Variants in LRP1B observed in about 807,000 individuals in gnomAD.
LRP1B encodes LDL receptor related protein 1B.
A neutral mutation model predicts 556.6 loss-of-function variants in LRP1B; 217 were observed. That is an observed-to-expected ratio of 0.39 (90% CI 0.35 to 0.44). The LOEUF (loss-of-function observed/expected upper bound fraction) is 0.44. Among genes scored for constraint, LRP1B ranks in the 20% least tolerant of loss-of-function variants. The pLI is 1.00. For synonymous variants in LRP1B, 2,047 were observed against 1,865.8 expected (o/e 1.10, Z -2.50); for missense variants, 5,053 against 5,620.8 (o/e 0.90, Z 3.23).
intron 1 of LRP1B, among the ~76,000 whole-genome samples, chr2:141,992,746 A>G (rs1702383187): frequency 2.6e-5 from 4 of 152,100 alleles, no homozygotes; most frequent in Admixed American, 2.0e-4. Flanking sequence ...GGATTCTGGC[A>G]TGATATTTTA....
At chr2:140,847,649 C>T (rs1446633321) in intron 29 of LRP1B, among the ~76,000 whole-genome samples, 1 of 151,872 alleles carries the variant, frequency 6.6e-6, no homozygotes, top group Non-Finnish European at 1.5e-5. Context: ...CACCTATAAT[C>T]CCAGCTACTC....
chr2:141,629,987 A>G (rs569052056), intron 2 of LRP1B, among the ~76,000 whole-genome samples: 1 of 152,280 alleles, frequency 6.6e-6, no homozygotes, highest in African/African-American at 2.4e-5. Context: ...AGTTGGATCA[A>G]TACAATCTTC....
chr2:140,701,640 T>C (rs1274448393), intron 40 of LRP1B, 81 bp downstream of exon 40: 1 of 1,395,012 alleles, frequency 7.2e-7, no homozygotes, highest in African/African-American at 1.4e-5. Context: ...TAGAAGAATT[T>C]CTAAGTTTGA....
At chr2:141,101,560 C>A (rs1400007287) in intron 7 of LRP1B, among the ~76,000 whole-genome samples, 1 of 151,964 alleles carries the variant, frequency 6.6e-6, no homozygotes, top group East Asian at 1.9e-4. Context: ...AATAATAAAA[C>A]CGATTTATAT....
intron 7 of LRP1B, among the ~76,000 whole-genome samples, chr2:141,105,467 C>A (rs1386106296): frequency 1.3e-5 from 2 of 151,966 alleles, no homozygotes. Context: ...CCCTATAGTT[C>A]AAAATAATAC....
intron 21 of LRP1B, among the ~76,000 whole-genome samples, chr2:140,911,772 TCCTTTTTTTGTTTGTTTTTTCC>T (rs1190073287): frequency 6.6e-6 from 1 of 151,800 alleles, no homozygotes; most frequent in East Asian, 1.9e-4. Context: ...AAATGCAACT[TCCTTTTTTTGTTTGTTTTTTCC>T]CAGACACATC....
At chr2:140,873,033 G>C (rs1407869123) in intron 25 of LRP1B, among the ~76,000 whole-genome samples, 4 of 152,104 alleles carry the variant, frequency 2.6e-5, no homozygotes, top group Non-Finnish European at 5.9e-5. Flanking sequence ...AAAAAGACTA[G>C]TCAAATATTT....
At chr2:140,652,094 G>C (rs1222506579) in intron 41 of LRP1B, among the ~76,000 whole-genome samples, 1 of 151,884 alleles carries the variant, frequency 6.6e-6, no homozygotes, top group African/African-American at 2.4e-5. Flanking sequence ...AAGGAAAAAT[G>C]TTTTTAAAAA....
chr2:141,860,209 A>G (rs1474995876), intron 1 of LRP1B, among the ~76,000 whole-genome samples: 1 of 152,186 alleles, frequency 6.6e-6, no homozygotes, highest in East Asian at 1.9e-4. Context: ...CAAAAAGATG[A>G]TCTTTTGAAA....
At chr2:141,695,303 C>T (rs746384594) in intron 2 of LRP1B, among the ~76,000 whole-genome samples, 3 of 151,908 alleles carry the variant, frequency 2.0e-5, no homozygotes, top group Non-Finnish European at 2.9e-5. Flanking sequence ...TATATAAAAA[C>T]ATGAAAAGAT....
intron 1 of LRP1B, among the ~76,000 whole-genome samples, chr2:141,978,945 A>G (rs1238269921): frequency 1.3e-5 from 2 of 152,000 alleles, no homozygotes; most frequent in African/African-American, 4.8e-5. Flanking sequence ...TTTTTTTCTG[A>G]TAAGAAAACT....
intron 1 of LRP1B, among the ~76,000 whole-genome samples, chr2:141,920,870 C>A (rs1451542729): frequency 1.3e-5 from 2 of 151,950 alleles, no homozygotes; most frequent in African/African-American, 4.8e-5. Context: ...CACTTGTCCT[C>A]TAAACACTTG....
At chr2:141,602,411 T>C (rs1279423850) in intron 2 of LRP1B, among the ~76,000 whole-genome samples, 1 of 152,126 alleles carries the variant, frequency 6.6e-6, no homozygotes. Context: ...ATCCTTACAG[T>C]CCTATGTTGG....
intron 66 of LRP1B, among the ~76,000 whole-genome samples, chr2:140,390,305 A>T (rs1446638809): frequency 6.6e-6 from 1 of 152,184 alleles, no homozygotes; most frequent in Non-Finnish European, 1.5e-5. Context: ...AAAATAAGTA[A>T]TGTACATATG....
chr2:141,426,359 C>T (rs958232819), intron 3 of LRP1B, among the ~76,000 whole-genome samples: 1 of 151,984 alleles, frequency 6.6e-6, no homozygotes, highest in African/African-American at 2.4e-5. Context: ...TAGCGTGATG[C>T]CTCCAGCTTT....
chr2:140,304,017 C>G (rs1573759989), intron 83 of LRP1B, among the ~76,000 whole-genome samples: 1 of 152,146 alleles, frequency 6.6e-6, no homozygotes, highest in South Asian at 2.1e-4. Flanking sequence ...GCATAGTATT[C>G]CATAGTGTAT....
chr2:141,504,832 A>T (rs1195122593), intron 2 of LRP1B, among the ~76,000 whole-genome samples: 1 of 152,128 alleles, frequency 6.6e-6, no homozygotes, highest in East Asian at 1.9e-4. Context: ...AGTGTAAATT[A>T]AAATTAAGTA....
At chr2:141,005,555 G>C (rs978896389) in intron 14 of LRP1B, 98 bp from the exon 15 acceptor site, 1 of 988,322 alleles carries the variant, frequency 1.0e-6, no homozygotes, top group South Asian at 2.0e-5. Context: ...TATATGCTAT[G>C]TATATTATAT....
intron 2 of LRP1B, among the ~76,000 whole-genome samples, chr2:141,789,932 A>G (rs1695557787): frequency 1.3e-5 from 2 of 151,964 alleles, no homozygotes; most frequent in Non-Finnish European, 2.9e-5. Context: ...ACCAGCGTCG[A>G]TATGTTACAT....
Sources: allele counts gnomAD v4.1 joint callset (sites outside exome capture counted in the v4.1 genomes callset), GRCh38; gene constraint gnomAD v4.1.1; transcripts MANE v1.5; gene names NCBI Gene and HGNC (gene_info 2026-07-23, HGNC 2026-07-21).